The following CDH8 variants were observed in gnomAD, a reference collection of about 807,000 sequenced individuals.
The protein encoded by CDH8 is cadherin-8.
Under a neutral mutation model 68.1 loss-of-function variants are expected in CDH8, and 17 were observed. The observed-to-expected ratio is 0.25, with a 90% CI of 0.17 to 0.37. The LOEUF (loss-of-function observed/expected upper bound fraction) is 0.37. CDH8 is among the 10% of genes least tolerant of loss of function. The pLI is 1.00. For missense variants in CDH8, 763 were observed against 999.3 expected (o/e 0.76, Z 3.19); for synonymous variants, 372 against 365.1 (o/e 1.02, Z -0.21).
At chr16:61,963,213 G>A (rs1371324148) in intron 2 of CDH8, among the ~76,000 whole-genome samples, 4 of 152,024 alleles carry the variant, frequency 2.6e-5, no homozygotes, top group African/African-American at 9.7e-5. Context: ...GGTGGGGAGG[G>A]GGGAGACAAA....
intron 8 of CDH8, among the ~76,000 whole-genome samples, chr16:61,736,009 G>A (rs1039721166): frequency 6.6e-6 from 1 of 151,842 alleles, no homozygotes; most frequent in Non-Finnish European, 1.5e-5. Context: ...GGAGGTAGAG[G>A]TTGTAGTGAG....
intron 8 of CDH8, among the ~76,000 whole-genome samples, chr16:61,739,110 T>C (rs1007987614): frequency 6.6e-6 from 1 of 152,184 alleles, no homozygotes; most frequent in Non-Finnish European, 1.5e-5. Context: ...AGTTGCATTA[T>C]ATGTCAATTA....
rs200116587 is a variant in CDH8 at position 61,713,835 on chromosome 16, A to G, written c.1654+6T>C. On this transcript the variant is annotated splice_donor_region_variant and intron_variant, in intron 10 of 11. Transcript: ENST00000577390. ...GTACTCTGTTTCACAAAGCTAATAT[A>G]TTTACCTTCATTTTTCTTGATGGTG... is the stretch of plus-strand genomic sequence containing the variant. 27 of 1,413,094 alleles carry G rather than the reference A, an allele frequency of 1.9e-5. No individual in the cohort carries two copies. In the Admixed American group the frequency reaches 4.5e-4, roughly 24 times the overall value. 87.5% of individuals were successfully genotyped at this position (1,413,094 alleles called of 1,614,324 possible).
intron 3 of CDH8, among the ~76,000 whole-genome samples, chr16:61,871,482 A>G (rs1229714183): frequency 6.6e-6 from 1 of 152,028 alleles, no homozygotes; most frequent in Non-Finnish European, 1.5e-5. Flanking sequence ...GATCTTAAAG[A>G]GAAAATTCAA....
chr16:61,698,621 C>T (rs967503525), intron 10 of CDH8, among the ~76,000 whole-genome samples: 8 of 152,254 alleles, frequency 5.3e-5, no homozygotes, highest in East Asian at 3.9e-4. Context: ...TGAGTGTCCT[C>T]GCTTCTGTAA....
intron 3 of CDH8, among the ~76,000 whole-genome samples, chr16:61,857,602 C>T (rs1049650079): frequency 2.0e-5 from 3 of 151,976 alleles, no homozygotes; most frequent in Admixed American, 6.6e-5. Context: ...GTCACATTTA[C>T]GTCTTACAAA....
chr16:61,712,947 T>A (rs767407277), intron 10 of CDH8, among the ~76,000 whole-genome samples: 2 of 151,592 alleles, frequency 1.3e-5, no homozygotes. Context: ...ACAGATATCA[T>A]GAATCAAATT....
intron 9 of CDH8, among the ~76,000 whole-genome samples, chr16:61,722,245 A>G (rs1959226042): frequency 6.6e-6 from 1 of 150,722 alleles, no homozygotes; most frequent in Non-Finnish European, 1.5e-5. Flanking sequence ...CTTCATGCCC[A>G]GCTCTTTCTC....
chr16:62,009,910 A>G (rs1597123790), intron 2 of CDH8, among the ~76,000 whole-genome samples: 1 of 152,296 alleles, frequency 6.6e-6, no homozygotes, highest in African/African-American at 2.4e-5. Flanking sequence ...TTTCTTATTC[A>G]TCAGCATGAT....
At chr16:61,743,571 G>A (rs1056282414) in intron 8 of CDH8, 3 of 151,968 alleles carry the variant, frequency 2.0e-5, no homozygotes, top group African/African-American at 7.3e-5. Flanking sequence ...TCCCTTGCAA[G>A]GTTTTATCAA....
Position 61,979,801 on chromosome 16 carries a change from A to ATTTTT in CDH8, c.252+41350_252+41351insAAAAA, listed in dbSNP as rs1303832891. 5.3e-5 allele frequency among the ~76,000 whole-genome samples: 8 copies of ATTTTT among 152,318 alleles called. No homozygotes were observed. In the East Asian group the frequency reaches 1.4e-3, roughly 26 times the overall value. The stretch of plus-strand genomic sequence containing the variant: ...TTCCCCAAACATTTATTAAGCATGC[A>ATTTTT]TTTTATGCCAGATACTGCGATACTT... On this transcript the variant is annotated intron_variant, in intron 2 of 11. Coordinates refer to ENST00000577390, the MANE Select transcript of CDH8 (RefSeq NM_001796.5).
At chr16:61,789,583 C>T (rs1596969852) in intron 7 of CDH8, 101 bp from the exon 8 acceptor site, 1 of 1,131,048 alleles carries the variant, frequency 8.8e-7, no homozygotes. Flanking sequence ...TTTGTGAAAT[C>T]AAATGAATTG....
At chr16:61,979,993 C>A (rs1965504065) in intron 2 of CDH8, among the ~76,000 whole-genome samples, 1 of 152,076 alleles carries the variant, frequency 6.6e-6, no homozygotes, top group Admixed American at 6.6e-5. Flanking sequence ...TAAATTTGAT[C>A]CACTCCAGTC....
At chr16:61,894,641 T>G (rs1179624019) in intron 3 of CDH8, among the ~76,000 whole-genome samples, 2 of 152,134 alleles carry the variant, frequency 1.3e-5, no homozygotes, top group African/African-American at 4.8e-5. Flanking sequence ...GATAACAAAA[T>G]AGCACAAGAG....
rs1486859772 is a variant in CDH8, at chr16:61,647,634, A to T, written c.*5974T>A. On this transcript the variant is annotated 3_prime_UTR_variant, in exon 12 of 12. Transcript: ENST00000577390. ...CATTTGGCTTTGGGGGGTGATCCCA[A>T]TGACTCCTAAATTGTCATGGTCCAT... The T allele has an allele frequency of 1.8e-6, 1 of 553,754 alleles. No individual in the cohort carries two copies. The highest frequency in any genetic ancestry group is 3.2e-6 in the Non-Finnish European group (1 of 313,170). 34.3% of individuals were successfully genotyped at this position (553,754 alleles called of 1,614,324 possible).
intron 8 of CDH8, among the ~76,000 whole-genome samples, chr16:61,775,118 T>C (rs1960871349): frequency 1.3e-5 from 2 of 152,072 alleles, no homozygotes; most frequent in Admixed American, 1.3e-4. Context: ...AACCCCAGCA[T>C]TTTGGGAGGC....
chr16:61,713,534 C>T (rs550288127), intron 10 of CDH8, among the ~76,000 whole-genome samples: 1 of 151,730 alleles, frequency 6.6e-6, no homozygotes, highest in South Asian at 2.1e-4. Context: ...AGGGATATCT[C>T]AGAATCTCAA....
At position 61,650,787 on chromosome 16, in the gene CDH8, TA is replaced by T. The variant is rs1963306835; in HGVS notation, c.*2820del. 6.6e-6 allele frequency: 1 copy of T among 150,748 alleles called. No individual in the cohort carries two copies. Among genetic ancestry groups the T allele is most frequent in the South Asian group, 2.1e-4 (1 of 4,818 alleles). The allele number at this position is 150,748 out of a possible 1,614,324, so 9.3% of individuals were successfully genotyped here. A position where few individuals can be genotyped will look rare whatever the true frequency, so the allele number is the denominator to read the frequency against. ...ATTTTTAGTTTAATTCATGACACTCTAAAAGTATAGGTCAATCTTATTAGGA... is the reference window on the plus strand; with the variant it reads ...ATTTTTAGTTTAATTCATGACACTCTAAAGTATAGGTCAATCTTATTAGGA... On this transcript the variant is annotated 3_prime_UTR_variant, in exon 12 of 12. Transcript: ENST00000577390.
intron 7 of CDH8, among the ~76,000 whole-genome samples, chr16:61,801,525 G>A (rs1215166092): frequency 3.3e-5 from 5 of 152,148 alleles, no homozygotes; most frequent in South Asian, 2.1e-4. Context: ...CGCAGAAGAC[G>A]GGTGATTTCT....
Sources: allele counts gnomAD v4.1 joint callset (sites outside exome capture counted in the v4.1 genomes callset), GRCh38; gene constraint gnomAD v4.1.1; transcripts MANE v1.5; gene names NCBI Gene and HGNC (gene_info 2026-07-23, HGNC 2026-07-21).